Variants in CADM1 observed in about 807,000 individuals in gnomAD.
CADM1 encodes TSLC-1.
In CADM1, 15 loss-of-function variants were observed where a neutral mutation model predicts 53.1. The ratio of observed to expected loss-of-function variants is 0.28; its 90% CI spans 0.19 to 0.44. The LOEUF (loss-of-function observed/expected upper bound fraction) is 0.44. CADM1 is among the 20% of genes least tolerant of loss of function. The pLI is 1.00. For missense variants in CADM1, 434 were observed against 611.3 expected (o/e 0.71, Z 3.06); for synonymous variants, 281 against 243.0 (o/e 1.16, Z -1.45).
At chr11:115,275,071 T>G (rs1943407140) in intron 1 of CADM1, among the ~76,000 whole-genome samples, 1 of 152,194 alleles carries the variant, frequency 6.6e-6, no homozygotes, top group Non-Finnish European at 1.5e-5. Context: ...ATGGAAAAAC[T>G]TGGGAAAACC....
intron 1 of CADM1, among the ~76,000 whole-genome samples, chr11:115,361,061 A>G (rs746997983): frequency 2.0e-5 from 3 of 152,188 alleles, no homozygotes; most frequent in Non-Finnish European, 4.4e-5. Flanking sequence ...ATATGTAATT[A>G]ATAATGCCCT....
intron 1 of CADM1, among the ~76,000 whole-genome samples, chr11:115,257,275 C>T (rs1030015664): frequency 5.3e-5 from 8 of 152,046 alleles, no homozygotes; most frequent in African/African-American, 1.9e-4. Context: ...TTTGTAGCAC[C>T]TTATACTTGG....
At chr11:115,432,313 T>G (rs1948076463) in intron 1 of CADM1, among the ~76,000 whole-genome samples, 2 of 152,110 alleles carry the variant, frequency 1.3e-5, no homozygotes, top group African/African-American at 4.8e-5. Context: ...TCGCTCACCA[T>G]TGTCCCTTTC....
chr11:115,202,233 A>G (rs1056846978), intron 8 of CADM1, among the ~76,000 whole-genome samples: 5 of 151,860 alleles, frequency 3.3e-5, no homozygotes, highest in Non-Finnish European at 7.4e-5. Flanking sequence ...GGCAATATTT[A>G]GTTGAAACAG....
At chr11:115,188,086 C>T (rs562352084) in intron 10 of CADM1, among the ~76,000 whole-genome samples, 46 of 152,270 alleles carry the variant, frequency 3.0e-4, no homozygotes, top group African/African-American at 9.4e-4. Context: ...CCACCTCACT[C>T]CACTAAACAG....
intron 1 of CADM1, among the ~76,000 whole-genome samples, chr11:115,391,852 A>T (rs913237536): frequency 5.9e-5 from 9 of 152,324 alleles, no homozygotes; most frequent in African/African-American, 2.2e-4. Context: ...CAGGAAGATC[A>T]ACTTACAGAC....
At chr11:115,500,970 G>C (rs984971607) in intron 1 of CADM1, among the ~76,000 whole-genome samples, 2 of 152,202 alleles carry the variant, frequency 1.3e-5, no homozygotes, top group East Asian at 3.8e-4. Flanking sequence ...CCCTTTACCA[G>C]GAGGGCCATT....
chr11:115,264,854 C>G (rs1943086775), intron 1 of CADM1, among the ~76,000 whole-genome samples: 1 of 152,076 alleles, frequency 6.6e-6, no homozygotes, highest in South Asian at 2.1e-4. Context: ...TCCTTCTTTC[C>G]ACACCTACAC....
chr11:115,280,234 A>G (rs965565180), intron 1 of CADM1, among the ~76,000 whole-genome samples: 4 of 152,124 alleles, frequency 2.6e-5, no homozygotes, highest in Non-Finnish European at 4.4e-5. Flanking sequence ...CAAATATACC[A>G]TCTTTTCTTT....
At chr11:115,401,913 A>G (rs922628281) in intron 1 of CADM1, among the ~76,000 whole-genome samples, 3 of 152,104 alleles carry the variant, frequency 2.0e-5, no homozygotes, top group Non-Finnish European at 4.4e-5. Context: ...AAATCTCTGT[A>G]CCTTCTTTTT....
At chr11:115,252,557 G>A (rs1591644283) in intron 1 of CADM1, among the ~76,000 whole-genome samples, 1 of 152,184 alleles carries the variant, frequency 6.6e-6, no homozygotes, top group African/African-American at 2.4e-5. Flanking sequence ...GTAAATAGCA[G>A]ATGAGGGCAG....
In CADM1 at chr11:115,460,761, C is replaced by T. The variant is rs575968243; in HGVS notation, c.124+43510G>A. On this transcript the variant is annotated intron_variant, in intron 1 of 11. Coordinates refer to ENST00000331581, the MANE Select transcript of CADM1 (RefSeq NM_001301043.2). The stretch of plus-strand genomic sequence containing the variant: ...CACTGGAGGTAAAAGTAACTTTATA[C>T]TGCCTATGCACTAGAAAGAAAGAAA... Among the ~76,000 whole-genome samples the T allele has an allele frequency of 7.9e-5, 12 of 151,620 alleles. No homozygotes were observed. In the South Asian group the frequency reaches 2.6e-3, roughly 32 times the overall value.
rs1789550199 is a variant in CADM1 at position 115,503,710 on chromosome 11, C to A, written c.124+561G>T. Among the ~76,000 whole-genome samples the A allele has an allele frequency of 2.0e-5, 3 of 151,994 alleles. No homozygotes were observed. In the South Asian group the frequency reaches 6.2e-4, roughly 32 times the overall value. ...TTGGGGACAGGGGAGAAAGGCAGAG[C>A]GCGTTGGGGGAAGGGGCAGGGGAGA... On this transcript the variant is annotated intron_variant, in intron 1 of 11. Transcript: ENST00000331581.
At chr11:115,447,943 C>T (rs1390025706) in intron 1 of CADM1, among the ~76,000 whole-genome samples, 1 of 152,160 alleles carries the variant, frequency 6.6e-6, no homozygotes, top group Non-Finnish European at 1.5e-5. Flanking sequence ...AATGGTTGCT[C>T]ATTAGATCTG....
intron 10 of CADM1, 177 bp from the exon 11 acceptor site, chr11:115,178,952 T>C (rs1251915267): frequency 1.4e-6 from 1 of 692,320 alleles, no homozygotes; most frequent in Non-Finnish European, 2.6e-6. Flanking sequence ...CAGTGCTGAA[T>C]CGATCTGTTC....
intron 6 of CADM1, among the ~76,000 whole-genome samples, chr11:115,215,659 A>AT (rs1941150226): frequency 6.6e-6 from 1 of 152,228 alleles, no homozygotes; most frequent in African/African-American, 2.4e-5. Context: ...AGCAAATTTC[A>AT]TAAGATTCGC....
In CADM1 at chr11:115,218,155, A is replaced by G. The variant is rs372289759; in HGVS notation, c.722-164T>C. 3.1e-3 allele frequency: 2,009 copies of G among 656,122 alleles called. 39 individuals carry two copies. The South Asian group carries it at 0.031, about 10-fold the overall frequency. The allele number at this position is 656,122 out of a possible 1,614,324, so 40.6% of individuals were successfully genotyped here. ...GTTGGTAATCCTGGCATTTGCTCAA[A>G]TTAAATTGACTAATAACTCTAAGGA... On this transcript the variant is annotated intron_variant, in intron 5 of 11. Transcript: ENST00000331581.
chr11:115,403,059 G>A (rs903116425), intron 1 of CADM1, among the ~76,000 whole-genome samples: 5 of 152,194 alleles, frequency 3.3e-5, no homozygotes, highest in African/African-American at 9.7e-5. Flanking sequence ...GTGGAGAAAC[G>A]TGGCAGACAC....
intron 1 of CADM1, among the ~76,000 whole-genome samples, chr11:115,319,038 T>C (rs1215985884): frequency 1.3e-5 from 2 of 152,142 alleles, no homozygotes; most frequent in Admixed American, 6.5e-5. Flanking sequence ...TTTACAACCA[T>C]TTTTTATAGA....
Sources: allele counts gnomAD v4.1 joint callset (sites outside exome capture counted in the v4.1 genomes callset), GRCh38; gene constraint gnomAD v4.1.1; transcripts MANE v1.5; gene names NCBI Gene and HGNC (gene_info 2026-07-23, HGNC 2026-07-21).